NRG3: variants seen among roughly 807,000 people sequenced by gnomAD.
The protein encoded by NRG3 is pro-neuregulin-3, membrane-bound isoform.
In NRG3, 31 loss-of-function variants were observed where a neutral mutation model predicts 66.9. The ratio of observed to expected loss-of-function variants is 0.46; its 90% CI spans 0.35 to 0.63. The LOEUF (loss-of-function observed/expected upper bound fraction) is 0.63. Ranked by LOEUF, NRG3 falls within the 20% of genes least tolerant of loss-of-function variation. NRG3 has a pLI of 0.00. For synonymous variants in NRG3, 393 were observed against 359.4 expected (o/e 1.09, Z -1.06); for missense variants, 910 against 878.9 (o/e 1.04, Z -0.45).
At chr10:82,404,716 A>C (rs910363302) in intron 2 of NRG3, among the ~76,000 whole-genome samples, 6 of 152,180 alleles carry the variant, frequency 3.9e-5, no homozygotes, top group Non-Finnish European at 7.4e-5. Context: ...AGGATGCCAC[A>C]TGTCATAACT....
intron 2 of NRG3, among the ~76,000 whole-genome samples, chr10:82,438,749 C>T (rs765479854): frequency 6.6e-6 from 1 of 152,160 alleles, no homozygotes; most frequent in South Asian, 2.1e-4. Context: ...CACGCTCACT[C>T]ACCACCTCCC....
Position 82,869,693 on chromosome 10 carries a change from C to T in NRG3, c.1054+4256C>T, listed in dbSNP as rs188076517. Among the ~76,000 whole-genome samples the T allele has an allele frequency of 2.4e-3, 362 of 151,526 alleles. 4 individuals are homozygous for T. Among genetic ancestry groups the T allele is most frequent in the African/African-American group, 8.2e-3 (339 of 41,260 alleles). ...TGCCATCTCGGCTCACTGCAAGCTCCGCCTCAGGGGTTCACGCCATTCTCC... is the reference window on the plus strand; with the variant it reads ...TGCCATCTCGGCTCACTGCAAGCTCTGCCTCAGGGGTTCACGCCATTCTCC... On this transcript the variant is annotated intron_variant, in intron 4 of 8. Coordinates refer to ENST00000372141, the MANE Select transcript of NRG3 (RefSeq NM_001010848.4).
chr10:82,413,962 C>A (rs1259377005), intron 2 of NRG3, among the ~76,000 whole-genome samples: 2 of 152,048 alleles, frequency 1.3e-5, no homozygotes, highest in Non-Finnish European at 2.9e-5. Flanking sequence ...TCTATTCAGA[C>A]CACTAAAACT....
intron 2 of NRG3, among the ~76,000 whole-genome samples, chr10:82,601,373 C>T (rs2047619188): frequency 6.6e-6 from 1 of 152,138 alleles, no homozygotes; most frequent in Non-Finnish European, 1.5e-5. Flanking sequence ...TATAGGTTTC[C>T]AATTTGTGGC....
At chr10:82,543,047 A>G (rs1325776931) in intron 2 of NRG3, among the ~76,000 whole-genome samples, 1 of 152,074 alleles carries the variant, frequency 6.6e-6, no homozygotes, top group Non-Finnish European at 1.5e-5. Flanking sequence ...ACATGCCACC[A>G]TACCCAGCTA....
intron 1 of NRG3, among the ~76,000 whole-genome samples, chr10:81,938,224 G>A (rs1564673662): frequency 6.6e-6 from 1 of 151,882 alleles, no homozygotes; most frequent in East Asian, 1.9e-4. Context: ...TCTTTTAGAT[G>A]TCATAAGAAT....
At chr10:81,971,725 G>C (rs2059941027) in intron 1 of NRG3, among the ~76,000 whole-genome samples, 1 of 152,204 alleles carries the variant, frequency 6.6e-6, no homozygotes, top group South Asian at 2.1e-4. Flanking sequence ...CCCAGGTGGA[G>C]CCTGGTGATC....
chr10:82,806,131 G>A (rs992163933), intron 3 of NRG3, among the ~76,000 whole-genome samples: 2 of 152,240 alleles, frequency 1.3e-5, no homozygotes, highest in Admixed American at 6.5e-5. Context: ...GAGAGACTGG[G>A]TCCTTTCATA....
At chr10:82,587,153 T>A (rs1031865121) in intron 2 of NRG3, among the ~76,000 whole-genome samples, 4 of 152,190 alleles carry the variant, frequency 2.6e-5, no homozygotes, top group African/African-American at 9.6e-5. Context: ...CAAGATTACA[T>A]GACCTATAGT....
At chr10:82,381,842 A>T (rs986433721) in intron 2 of NRG3, among the ~76,000 whole-genome samples, 1 of 152,162 alleles carries the variant, frequency 6.6e-6, no homozygotes, top group African/African-American at 2.4e-5. Context: ...ATAATGCAGC[A>T]AGGCCACTAC....
At chr10:82,798,143 C>T (rs746070796) in intron 3 of NRG3, among the ~76,000 whole-genome samples, 1 of 151,896 alleles carries the variant, frequency 6.6e-6, no homozygotes, top group Non-Finnish European at 1.5e-5. Flanking sequence ...CTCACAGTAC[C>T]TTGTACCCTG....
At chr10:82,092,676 C>T (rs2066097587) in intron 1 of NRG3, among the ~76,000 whole-genome samples, 1 of 152,154 alleles carries the variant, frequency 6.6e-6, no homozygotes, top group African/African-American at 2.4e-5. Context: ...TGTTGAAGGA[C>T]ATTTGTAGAG....
Position 81,936,271 on chromosome 10 carries a change from A to T in NRG3, c.823+60108A>T, listed in dbSNP as rs1215346438. On this transcript the variant is annotated intron_variant, in intron 1 of 8. Transcript: ENST00000372141. ...ATTTCACTCGGAGTAACTTGGATAA[A>T]ATCTCTGAGTTTGAAAAGAGTATGG... Among the ~76,000 whole-genome samples the T allele has an allele frequency of 5.9e-5, 9 of 152,176 alleles. 1 individual carries two copies. Among genetic ancestry groups the T allele is most frequent in the Admixed American group, 5.9e-4 (9 of 15,266 alleles).
intron 3 of NRG3, among the ~76,000 whole-genome samples, chr10:82,820,906 T>G (rs2061924477): frequency 6.6e-6 from 1 of 152,318 alleles, no homozygotes; most frequent in South Asian, 2.1e-4. Context: ...TTCCCTTGCT[T>G]TCATTCAGTT....
intron 4 of NRG3, among the ~76,000 whole-genome samples, chr10:82,914,355 G>C (rs753588832): frequency 6.6e-6 from 1 of 151,828 alleles, no homozygotes; most frequent in African/African-American, 2.4e-5. Flanking sequence ...ATACCTTGTA[G>C]TTTTCTTGTG....
At chr10:82,693,467 C>G (rs2055108609) in intron 2 of NRG3, among the ~76,000 whole-genome samples, 1 of 152,150 alleles carries the variant, frequency 6.6e-6, no homozygotes, top group Non-Finnish European at 1.5e-5. Context: ...CTGGAGCTAG[C>G]CTGCCCTGGT....
intron 2 of NRG3, among the ~76,000 whole-genome samples, chr10:82,390,276 G>C (rs1345609774): frequency 3.9e-5 from 6 of 152,034 alleles, no homozygotes; most frequent in Non-Finnish European, 8.8e-5. Flanking sequence ...TCACTGCTTA[G>C]GTGATATGAT....
chr10:82,222,626 A>G (rs920293241), intron 1 of NRG3, among the ~76,000 whole-genome samples: 1 of 152,180 alleles, frequency 6.6e-6, no homozygotes. Context: ...TTCTCTTATA[A>G]CATCTCTTGA....
intron 1 of NRG3, among the ~76,000 whole-genome samples, chr10:81,936,541 T>C (rs920202610): frequency 1.3e-5 from 2 of 152,082 alleles, no homozygotes; most frequent in Non-Finnish European, 2.9e-5. Context: ...GATGGTTGTG[T>C]GTACAGAAGT....
Sources: allele counts gnomAD v4.1 joint callset (sites outside exome capture counted in the v4.1 genomes callset), GRCh38; gene constraint gnomAD v4.1.1; transcripts MANE v1.5; gene names NCBI Gene and HGNC (gene_info 2026-07-23, HGNC 2026-07-21).